ATRNL1: variants seen among roughly 807,000 people sequenced by gnomAD.
ATRNL1 encodes the protein attractin-like protein 1.
Under a neutral mutation model 182.7 loss-of-function variants are expected in ATRNL1, and 95 were observed. The observed-to-expected ratio is 0.52, with a 90% CI of 0.44 to 0.62. The LOEUF is 0.62. Ranked by LOEUF, ATRNL1 falls within the 20% of genes least tolerant of loss-of-function variation. The pLI is 0.00. For synonymous variants in ATRNL1, 576 were observed against 568.3 expected, an observed-to-expected ratio of 1.01 and a Z score of -0.19; for missense variants, 1,471 against 1,679.5, an observed-to-expected ratio of 0.88 and a Z score of 2.17.
At chr10:115,644,402 C>T (rs190746567) in intron 26 of ATRNL1, among the ~76,000 whole-genome samples, 66 of 152,234 alleles carry the variant, frequency 4.3e-4, no homozygotes, top group African/African-American at 1.3e-3. Flanking sequence ...GTTCTCACGA[C>T]AATATTGTAT....
intron 3 of ATRNL1, among the ~76,000 whole-genome samples, chr10:115,124,779 C>T (rs781807688): frequency 8.5e-5 from 13 of 152,230 alleles, no homozygotes; most frequent in Non-Finnish European, 1.5e-4. Context: ...ACACTCCCAT[C>T]ACTCAGGAAA....
intron 26 of ATRNL1, among the ~76,000 whole-genome samples, chr10:115,632,957 A>T (rs1858613668): frequency 6.7e-6 from 1 of 149,140 alleles, no homozygotes; most frequent in Non-Finnish European, 1.5e-5. Context: ...CAGTGGTGCG[A>T]TCCTAGCTCA....
At chr10:115,297,747 T>C (rs895914956) in intron 15 of ATRNL1, among the ~76,000 whole-genome samples, 3 of 152,048 alleles carry the variant, frequency 2.0e-5, no homozygotes, top group Non-Finnish European at 4.4e-5. Flanking sequence ...CAGATTCAAA[T>C]TCCCTGATAT....
At chr10:115,447,262 C>T (rs1452356850) in intron 21 of ATRNL1, among the ~76,000 whole-genome samples, 11 of 151,616 alleles carry the variant, frequency 7.3e-5, no homozygotes, top group South Asian at 2.1e-4. Context: ...TAAAGCTTAA[C>T]GCCTTGCTCT....
intron 19 of ATRNL1, 83 bp downstream of exon 19, chr10:115,334,502 ATACTAC>A: frequency 9.6e-7 from 1 of 1,043,432 alleles, no homozygotes; most frequent in South Asian, 3.3e-5. Context: ...TGGAGAATAT[ATACTAC>A]TACAGAAAAT....
chr10:115,335,930 CAAAT>C (rs1855460093), intron 19 of ATRNL1, among the ~76,000 whole-genome samples: 1 of 152,064 alleles, frequency 6.6e-6, no homozygotes, highest in African/African-American at 2.4e-5. Flanking sequence ...TGTTGGGTGA[CAAAT>C]AAAGATAGGT....
chr10:115,630,853 C>G (rs1318867227), intron 26 of ATRNL1, among the ~76,000 whole-genome samples: 1 of 146,262 alleles, frequency 6.8e-6, no homozygotes, highest in African/African-American at 2.6e-5. Context: ...CACACACACA[C>G]ACACACACAC....
intron 9 of ATRNL1, among the ~76,000 whole-genome samples, chr10:115,223,929 A>ATTTTTTTTTTTTTTTTTT (rs1223695295): frequency 8.9e-5 from 4 of 44,716 alleles, no homozygotes; most frequent in South Asian, 7.8e-4. Flanking sequence ...ATATATATAT[A>ATTTTTTTTTTTTTTTTTT]TTTTTTTTTT....
intron 26 of ATRNL1, chr10:115,597,931 C>T (rs949766134): frequency 1.2e-5 from 2 of 166,880 alleles, no homozygotes; most frequent in Non-Finnish European, 2.6e-5. Flanking sequence ...CTTCTAAACT[C>T]GTGATATATA....
chr10:115,529,855 A>T (rs1851460182), intron 25 of ATRNL1, among the ~76,000 whole-genome samples: 1 of 152,106 alleles, frequency 6.6e-6, no homozygotes, highest in African/African-American at 2.4e-5. Context: ...CATCATCCCC[A>T]AAAGAAGCCA....
chr10:115,845,281 T>C (rs1273642617), intron 27 of ATRNL1, among the ~76,000 whole-genome samples: 1 of 152,070 alleles, frequency 6.6e-6, no homozygotes, highest in Non-Finnish European at 1.5e-5. Context: ...CAGAAATTTC[T>C]GAATGTTTTC....
chr10:115,792,018 C>T (rs1949543166), intron 27 of ATRNL1, among the ~76,000 whole-genome samples: 1 of 152,154 alleles, frequency 6.6e-6, no homozygotes, highest in South Asian at 2.1e-4. Flanking sequence ...CTTTGCTTTG[C>T]TTACAGTTAT....
At chr10:115,454,949 G>A (rs898108067) in intron 21 of ATRNL1, among the ~76,000 whole-genome samples, 1 of 152,116 alleles carries the variant, frequency 6.6e-6, no homozygotes, top group East Asian at 1.9e-4. Context: ...TAGAAATGGT[G>A]AGAGTGGACA....
At chr10:115,372,826 T>G (rs1239320026) in intron 19 of ATRNL1, among the ~76,000 whole-genome samples, 1 of 152,174 alleles carries the variant, frequency 6.6e-6, no homozygotes, top group Non-Finnish European at 1.5e-5. Flanking sequence ...GCTTCGTTCT[T>G]TTTGCTCATT....
intron 18 of ATRNL1, among the ~76,000 whole-genome samples, chr10:115,332,396 G>A (rs141978122): frequency 0.011 from 1,722 of 152,216 alleles, 28 homozygotes; most frequent in African/African-American, 0.038. Flanking sequence ...ATGTTTCTTC[G>A]TGGGTATAAT....
chr10:115,567,910 A>G (rs1932582), intron 26 of ATRNL1, among the ~76,000 whole-genome samples: 45,018 of 151,964 alleles, frequency 0.3, 7,818 homozygotes, highest in East Asian at 0.68. Context: ...TAAAACCTGT[A>G]TAGTTTTGCT....
chr10:115,259,716 C>A (rs1564858906), intron 10 of ATRNL1, among the ~76,000 whole-genome samples: 1 of 152,188 alleles, frequency 6.6e-6, no homozygotes, highest in African/African-American at 2.4e-5. Flanking sequence ...CTGGGAGCTG[C>A]AGACTGGAGC....
At chr10:115,500,493 G>A (rs1051898284) in intron 24 of ATRNL1, among the ~76,000 whole-genome samples, 1 of 152,004 alleles carries the variant, frequency 6.6e-6, no homozygotes, top group African/African-American at 2.4e-5. Flanking sequence ...ATCATGGTAG[G>A]ACTGATTTGT....
At chr10:115,120,934 G>T (rs1844700093) in intron 2 of ATRNL1, among the ~76,000 whole-genome samples, 1 of 152,008 alleles carries the variant, frequency 6.6e-6, no homozygotes, top group African/African-American at 2.4e-5. Flanking sequence ...GTTTTTTAGT[G>T]CCTCCAACTT....
Sources: gnomAD v4.1 joint callset for allele counts (sites outside exome capture counted in the v4.1 genomes callset) on GRCh38, gnomAD v4.1.1 for gene constraint, MANE v1.5 for transcripts, NCBI Gene and HGNC (gene_info 2026-07-23, HGNC 2026-07-21) for gene names.